The following GLRA3 variants were observed in gnomAD, a reference collection of about 807,000 sequenced individuals.
GLRA3 encodes glycine receptor subunit alpha-3.
A neutral mutation model predicts 60.4 loss-of-function variants in GLRA3; 44 were observed. The ratio of observed to expected loss-of-function variants is 0.73; its 90% CI spans 0.57 to 0.94. GLRA3 has a LOEUF of 0.94. Ranked by LOEUF, GLRA3 falls within the 40% of genes least tolerant of loss-of-function variation. The probability of loss-of-function intolerance (pLI) is 0.00; values close to 1 mark genes in which losing one functional copy is unlikely to be tolerated. For missense variants in GLRA3, 508 were observed against 564.6 expected (o/e 0.90, Z 1.02); for synonymous variants, 223 against 192.9 (o/e 1.16, Z -1.29).
intron 5 of GLRA3, 138 bp from the exon 6 acceptor site, chr4:174,683,077 A>C: frequency 1.6e-6 from 1 of 638,490 alleles, no homozygotes; most frequent in Non-Finnish European, 2.7e-6. Context: ...GGAGCTATTC[A>C]TTGCCCAATT....
intron 3 of GLRA3, among the ~76,000 whole-genome samples, chr4:174,766,741 T>G (rs554337301): frequency 6.6e-6 from 1 of 152,072 alleles, no homozygotes; most frequent in African/African-American, 2.4e-5. Flanking sequence ...GATTGTTGAA[T>G]GGAGAAAATC....
chr4:174,650,075 A>C (rs1732973214), intron 9 of GLRA3, among the ~76,000 whole-genome samples: 2 of 152,196 alleles, frequency 1.3e-5, no homozygotes, highest in South Asian at 4.1e-4. Context: ...CGGGTGGCTA[A>C]TTAATCCAGA....
In GLRA3 at chr4:174,788,377, C is replaced by T. The variant is rs554566490; in HGVS notation, c.199+439G>A. Among the ~76,000 whole-genome samples, 5 of 151,804 alleles carry T rather than the reference C, an allele frequency of 3.3e-5. No homozygotes were observed. The East Asian group carries it at 7.7e-4, about 23-fold the overall frequency. On this transcript the variant is annotated intron_variant, in intron 2 of 9. Coordinates refer to ENST00000274093, the MANE Select transcript of GLRA3 (RefSeq NM_006529.4). ...GTCAGTTAGCAATCCAGACTGTTTC[C>T]CAATAGGTAAATTCAACAACGGTTA... is the stretch of plus-strand genomic sequence containing the variant.
At chr4:174,696,454 AAATAT>A (rs1368036816) in intron 5 of GLRA3, among the ~76,000 whole-genome samples, 2 of 149,490 alleles carry the variant, frequency 1.3e-5, no homozygotes, top group South Asian at 2.1e-4. Context: ...CATATGTAAC[AAATAT>A]AATACAATAC....
At chr4:174,721,260 C>T (rs1736119980) in intron 4 of GLRA3, among the ~76,000 whole-genome samples, 1 of 151,996 alleles carries the variant, frequency 6.6e-6, no homozygotes, top group South Asian at 2.1e-4. Flanking sequence ...ATCTCCTGAC[C>T]TCATGATCTT....
At chr4:174,689,153 C>A (rs754479123) in intron 5 of GLRA3, among the ~76,000 whole-genome samples, 3 of 152,074 alleles carry the variant, frequency 2.0e-5, no homozygotes, top group Non-Finnish European at 4.4e-5. Flanking sequence ...GCTTTACAAA[C>A]CTGTCTAATT....
chr4:174,732,217 T>C (rs1037908171), intron 3 of GLRA3, among the ~76,000 whole-genome samples: 4 of 151,844 alleles, frequency 2.6e-5, no homozygotes, highest in Non-Finnish European at 5.9e-5. Context: ...TAGCTGGGTG[T>C]GGTGGCGTGC....
intron 2 of GLRA3, among the ~76,000 whole-genome samples, chr4:174,778,319 A>C (rs1179945674): frequency 6.6e-6 from 1 of 152,216 alleles, no homozygotes; most frequent in Non-Finnish European, 1.5e-5. Context: ...TTTCAAAATA[A>C]AAATAACTAT....
intron 7 of GLRA3, among the ~76,000 whole-genome samples, chr4:174,674,121 T>C (rs1194723962): frequency 6.6e-6 from 1 of 152,146 alleles, no homozygotes; most frequent in Non-Finnish European, 1.5e-5. Flanking sequence ...GCCTCTTCTA[T>C]CTGGTCTTCA....
chr4:174,764,298 C>G (rs1261505191), intron 3 of GLRA3, among the ~76,000 whole-genome samples: 1 of 152,028 alleles, frequency 6.6e-6, no homozygotes. Flanking sequence ...CAGTTATAGA[C>G]TAGACCAGCA....
At chr4:174,771,877 G>T (rs192651766) in intron 2 of GLRA3, among the ~76,000 whole-genome samples, 5 of 152,156 alleles carry the variant, frequency 3.3e-5, no homozygotes, top group African/African-American at 7.2e-5. Flanking sequence ...GACAATTGTG[G>T]TGAAAGAGGC....
chr4:174,711,342 G>A (rs1260349236), intron 5 of GLRA3, among the ~76,000 whole-genome samples: 2 of 150,444 alleles, frequency 1.3e-5, no homozygotes, highest in Admixed American at 6.6e-5. Context: ...CCAGTAAATT[G>A]TTGATTTATC....
At chr4:174,734,726 T>C (rs1183164310) in intron 3 of GLRA3, among the ~76,000 whole-genome samples, 1 of 152,210 alleles carries the variant, frequency 6.6e-6, no homozygotes, top group South Asian at 2.1e-4. Flanking sequence ...TCTCATTTAG[T>C]AACCTCTGCG....
chr4:174,675,330 T>C (rs2110947433), intron 7 of GLRA3, among the ~76,000 whole-genome samples: 1 of 152,304 alleles, frequency 6.6e-6, no homozygotes, highest in South Asian at 2.1e-4. Context: ...CTAGACATTC[T>C]TCTTTTTTTT....
chr4:174,736,709 G>A (rs770467419), intron 3 of GLRA3, among the ~76,000 whole-genome samples: 7 of 152,094 alleles, frequency 4.6e-5, no homozygotes, highest in Non-Finnish European at 1.0e-4. Context: ...AAGGTGATAT[G>A]TAATATGTAA....
chr4:174,827,346 C>A (rs1741017372), intron 1 of GLRA3, among the ~76,000 whole-genome samples: 2 of 151,624 alleles, frequency 1.3e-5, no homozygotes, highest in African/African-American at 4.8e-5. Flanking sequence ...ATTTTAGTTT[C>A]TGACTTTAGC....
chr4:174,670,230 T>G (rs1234055628), intron 7 of GLRA3, among the ~76,000 whole-genome samples: 1 of 152,146 alleles, frequency 6.6e-6, no homozygotes, highest in African/African-American at 2.4e-5. Flanking sequence ...AATTGTGACC[T>G]CTCTTTTCTT....
rs144191387 is a variant in GLRA3, at chr4:174,716,123, G to A, written c.492-553C>T. Among the ~76,000 whole-genome samples, 397 of 152,222 alleles carry A rather than the reference G, an allele frequency of 2.6e-3. 2 individuals are homozygous for A. The highest frequency in any genetic ancestry group is 4.4e-3 in the Non-Finnish European group (298 of 68,026). ...TGTAACGTTCAGTCATCATTCTAAC[G>A]ACCCTGATGTTGTCAGTGAACATTC... On this transcript the variant is annotated intron_variant, in intron 4 of 9. Coordinates refer to ENST00000274093, the MANE Select transcript of GLRA3 (RefSeq NM_006529.4).
chr4:174,686,544 A>G (rs1734559124), intron 5 of GLRA3, among the ~76,000 whole-genome samples: 2 of 152,248 alleles, frequency 1.3e-5, no homozygotes, highest in South Asian at 4.1e-4. Context: ...ATAGTTACTT[A>G]TTGAGTACCA....
Sources: allele counts gnomAD v4.1 joint callset (sites outside exome capture counted in the v4.1 genomes callset), GRCh38; gene constraint gnomAD v4.1.1; transcripts MANE v1.5; gene names NCBI Gene and HGNC (gene_info 2026-07-23, HGNC 2026-07-21).